CEP112: variants seen among roughly 807,000 people sequenced by gnomAD.
The protein encoded by CEP112 is centrosomal protein of 112 kDa.
A neutral mutation model predicts 153.0 loss-of-function variants in CEP112; 127 were observed. That is an observed-to-expected ratio of 0.83 (90% CI 0.72 to 0.96). The LOEUF is 0.96. Ranked by LOEUF, CEP112 falls within the 40% of genes least tolerant of loss-of-function variation. The pLI, the probability that CEP112 is intolerant of heterozygous loss-of-function variation, is 0.00. For missense variants in CEP112, 1,089 were observed against 1,101.2 expected (o/e 0.99, Z 0.16); for synonymous variants, 358 against 374.4 (o/e 0.96, Z 0.51).
At chr17:65,785,414 C>A (rs1292052281) in intron 21 of CEP112, among the ~76,000 whole-genome samples, 1 of 152,182 alleles carries the variant, frequency 6.6e-6, no homozygotes, top group Non-Finnish European at 1.5e-5. Context: ...AATGACTGCA[C>A]CATTTTACAA....
chr17:66,014,685 A>AC (rs1361139309), intron 16 of CEP112, among the ~76,000 whole-genome samples: 2 of 151,964 alleles, frequency 1.3e-5, no homozygotes, highest in Non-Finnish European at 2.9e-5. Context: ...TGCTCAACTC[A>AC]CCCATTCCCC....
chr17:65,955,679 C>G (rs1294376655), intron 18 of CEP112, among the ~76,000 whole-genome samples: 2 of 152,062 alleles, frequency 1.3e-5, no homozygotes, highest in African/African-American at 4.8e-5. Flanking sequence ...AAATAAACAC[C>G]AAAAGCGAGC....
At chr17:65,683,037 A>G (rs1342898222) in intron 24 of CEP112, among the ~76,000 whole-genome samples, 4 of 152,180 alleles carry the variant, frequency 2.6e-5, no homozygotes, top group Non-Finnish European at 5.9e-5. Context: ...TAGTAGTGAC[A>G]AAGGTGGACT....
chr17:65,885,335 G>A (rs1474538607), intron 20 of CEP112, among the ~76,000 whole-genome samples: 1 of 151,970 alleles, frequency 6.6e-6, no homozygotes, highest in South Asian at 2.1e-4. Context: ...TAACTATTTG[G>A]CTGAAGATAA....
intron 23 of CEP112, among the ~76,000 whole-genome samples, chr17:65,742,443 T>C (rs1391895093): frequency 2.0e-5 from 3 of 152,192 alleles, no homozygotes; most frequent in Non-Finnish European, 4.4e-5. Flanking sequence ...TACAATAATA[T>C]TCACTGCTAT....
At chr17:65,801,845 C>A (rs563162477) in intron 21 of CEP112, among the ~76,000 whole-genome samples, 1 of 152,278 alleles carries the variant, frequency 6.6e-6, no homozygotes, top group African/African-American at 2.4e-5. Context: ...TCCTCAGGAA[C>A]AGTTTCTATT....
chr17:66,005,173 A>C (rs994752320), intron 17 of CEP112, among the ~76,000 whole-genome samples: 3 of 152,248 alleles, frequency 2.0e-5, no homozygotes, highest in Non-Finnish European at 4.4e-5. Context: ...AGGAGAGCCC[A>C]ATCAATTTAG....
intron 18 of CEP112, among the ~76,000 whole-genome samples, chr17:65,959,939 T>G (rs12948079): frequency 0.48 from 72,925 of 151,864 alleles, 18,507 homozygotes; most frequent in East Asian, 0.89. Context: ...CAGTGGGCCT[T>G]AGCAAAACTC....
chr17:65,859,052 C>G (rs1023000662), intron 20 of CEP112, among the ~76,000 whole-genome samples: 3 of 152,140 alleles, frequency 2.0e-5, no homozygotes, highest in Non-Finnish European at 4.4e-5. Flanking sequence ...TTTAATTTTA[C>G]CTTAATTTTA....
chr17:66,164,886 A>G (rs867558270), intron 4 of CEP112, among the ~76,000 whole-genome samples: 61 of 137,604 alleles, frequency 4.4e-4, no homozygotes, highest in Middle Eastern at 7.4e-3. Flanking sequence ...ACACACATAT[A>G]TGTGTGTGTG....
intron 16 of CEP112, among the ~76,000 whole-genome samples, chr17:66,018,901 G>A (rs867166488): frequency 1.3e-5 from 2 of 152,194 alleles, no homozygotes; most frequent in African/African-American, 4.8e-5. Context: ...CTCTGGAACT[G>A]TTTGGAAAAC....
chr17:65,743,897 G>T (rs565168641), intron 22 of CEP112, among the ~76,000 whole-genome samples: 1 of 152,112 alleles, frequency 6.6e-6, no homozygotes, highest in South Asian at 2.1e-4. Flanking sequence ...GAGTAGCTGG[G>T]ATTACAGGTG....
intron 17 of CEP112, among the ~76,000 whole-genome samples, chr17:65,987,961 A>G (rs543983040): frequency 6.6e-6 from 1 of 152,282 alleles, no homozygotes; most frequent in East Asian, 1.9e-4. Context: ...AATATTCCTG[A>G]GGATAGCCAG....
chr17:66,017,824 G>A (rs1359906185), intron 16 of CEP112, among the ~76,000 whole-genome samples: 1 of 151,912 alleles, frequency 6.6e-6, no homozygotes, highest in African/African-American at 2.4e-5. Context: ...CATGGTGAAA[G>A]CCCCGTCTCT....
intron 18 of CEP112, among the ~76,000 whole-genome samples, chr17:65,948,884 C>T (rs12941925): frequency 0.41 from 62,958 of 151,992 alleles, 14,424 homozygotes; most frequent in East Asian, 0.87. Flanking sequence ...TTCAAAATCC[C>T]ACTGTCTGCA....
chr17:65,893,223 A>C (rs1168309210), intron 20 of CEP112, among the ~76,000 whole-genome samples: 1 of 152,096 alleles, frequency 6.6e-6, no homozygotes, highest in Non-Finnish European at 1.5e-5. Flanking sequence ...CAAACAAGGG[A>C]AGAGACCTAG....
intron 21 of CEP112, among the ~76,000 whole-genome samples, chr17:65,760,912 T>C (rs1225355763): frequency 2.0e-5 from 3 of 152,122 alleles, no homozygotes; most frequent in African/African-American, 7.2e-5. Context: ...GGTCATTAAT[T>C]ATTGATTCGA....
At chr17:65,637,456 C>G (rs1027955805) in intron 25 of CEP112, among the ~76,000 whole-genome samples, 1 of 152,222 alleles carries the variant, frequency 6.6e-6, no homozygotes, top group African/African-American at 2.4e-5. Context: ...TACCTGTCCT[C>G]ACGCCCTGCC....
intron 18 of CEP112, among the ~76,000 whole-genome samples, chr17:65,936,551 G>T (rs1429614853): frequency 6.6e-6 from 1 of 151,920 alleles, no homozygotes; most frequent in African/African-American, 2.4e-5. Context: ...ACAAAACCCA[G>T]AATTCAACAA....
Sources: gnomAD v4.1 joint callset for allele counts (sites outside exome capture counted in the v4.1 genomes callset) on GRCh38, gnomAD v4.1.1 for gene constraint, MANE v1.5 for transcripts, NCBI Gene and HGNC (gene_info 2026-07-23, HGNC 2026-07-21) for gene names.